The following ZMPSTE24 variants were observed in gnomAD, a reference collection of about 807,000 sequenced individuals.
ZMPSTE24 encodes CAAX prenyl protease 1 homolog.
In ZMPSTE24, 48 loss-of-function variants were observed where a neutral mutation model predicts 56.7. That is an observed-to-expected ratio of 0.85 (90% CI 0.67 to 1.08). The LOEUF is 1.08. ZMPSTE24 is among the 50% of genes least tolerant of loss of function. The pLI is 0.00. For missense variants in ZMPSTE24, 503 were observed against 548.7 expected (o/e 0.92, Z 0.83); for synonymous variants, 172 against 195.2 (o/e 0.88, Z 0.99).
At chr1:40,277,085 C>CTT (rs574397138) in intron 6 of ZMPSTE24, among the ~76,000 whole-genome samples, 5,561 of 130,040 alleles carry the variant, frequency 0.043, 388 homozygotes, top group African/African-American at 0.14. Flanking sequence ...TACAGGGATT[C>CTT]TTTTTTTTTT....
intron 5 of ZMPSTE24, among the ~76,000 whole-genome samples, chr1:40,270,523 A>G (rs1479556036): frequency 1.3e-5 from 2 of 152,152 alleles, no homozygotes; most frequent in Non-Finnish European, 2.9e-5. Flanking sequence ...GAAAGAAAGC[A>G]TATACTTAAC....
At chr1:40,268,212 T>A (rs1004560349) in intron 3 of ZMPSTE24, among the ~76,000 whole-genome samples, 1 of 152,218 alleles carries the variant, frequency 6.6e-6, no homozygotes, top group African/African-American at 2.4e-5. Context: ...ATAGTGCCTG[T>A]GTAATAAAAA....
chr1:40,259,687 C>G (rs1024498435), intron 1 of ZMPSTE24, among the ~76,000 whole-genome samples: 1 of 152,144 alleles, frequency 6.6e-6, no homozygotes, highest in Non-Finnish European at 1.5e-5. Flanking sequence ...TCAAGGCAGC[C>G]TCGAACTCGT....
At chr1:40,269,907 A>G (rs1027612258) in intron 4 of ZMPSTE24, 68 bp from the exon 5 acceptor site, 15 of 1,544,358 alleles carry the variant, frequency 9.7e-6, no homozygotes, top group Non-Finnish European at 1.1e-5. Context: ...CTTTGTATTT[A>G]TTTATCAGTT....
At chr1:40,292,238 T>A (rs1643850610) in intron 9 of ZMPSTE24, among the ~76,000 whole-genome samples, 2 of 152,168 alleles carry the variant, frequency 1.3e-5, no homozygotes, top group Non-Finnish European at 2.9e-5. Context: ...TTAACTTTTA[T>A]ATGTGTTTCT....
chr1:40,260,691 T>C (rs1643488122), intron 1 of ZMPSTE24, 148 bp from the exon 2 acceptor site: 4 of 743,756 alleles, frequency 5.4e-6, no homozygotes, highest in Non-Finnish European at 8.8e-6. Context: ...AGTCGTTTCA[T>C]GTACTTGATC....
Position 40,267,782 on chromosome 1 carries a change from A to G in ZMPSTE24, c.271-4A>G. The G allele has an allele frequency of 6.2e-7, 1 of 1,605,358 alleles. No individual in the cohort carries two copies. Among genetic ancestry groups the G allele is most frequent in the Middle Eastern group, 1.7e-4 (1 of 6,050 alleles). ...CTGTGATCAAAGTATGCTTTGTTTT[A>G]TAGCTTATTCTTCTCTTTGGAGGAA... On this transcript the variant is annotated splice_region_variant and splice_polypyrimidine_tract_variant and intron_variant, in intron 2 of 9. Coordinates refer to ENST00000372759, the MANE Select transcript of ZMPSTE24 (RefSeq NM_005857.5).
At chr1:40,273,537 A>AAAAAAAAAAAAAAAAAAAAAAATAT (rs1224234676) in intron 6 of ZMPSTE24, among the ~76,000 whole-genome samples, 1 of 12,388 alleles carries the variant, frequency 8.1e-5, no homozygotes, top group African/African-American at 1.8e-4. Flanking sequence ...AAAAAAAAAA[A>AAAAAAAAAAAAAAAAAAAAAAATAT]ATATATATAT....
chr1:40,266,207 G>A (rs1643546937), intron 2 of ZMPSTE24, among the ~76,000 whole-genome samples: 1 of 152,090 alleles, frequency 6.6e-6, no homozygotes. Context: ...GATTGGAAGG[G>A]TACCCATGAA....
chr1:40,268,662 G>A, intron 4 of ZMPSTE24, 127 bp downstream of exon 4: 1 of 699,030 alleles, frequency 1.4e-6, no homozygotes, highest in South Asian at 1.9e-5. Flanking sequence ...GGGAACTACA[G>A]ATATGGTAAA....
intron 6 of ZMPSTE24, among the ~76,000 whole-genome samples, chr1:40,273,569 T>TGTCAGACA (rs1553179857): frequency 8.3e-6 from 1 of 120,252 alleles, no homozygotes; most frequent in African/African-American, 3.3e-5. Context: ...TATATATATA[T>TGTCAGACA]GTCAGACATT....
At chr1:40,273,369 T>G (rs183305687) in intron 6 of ZMPSTE24, among the ~76,000 whole-genome samples, 344 of 150,914 alleles carry the variant, frequency 2.3e-3, no homozygotes, top group African/African-American at 8.0e-3. Flanking sequence ...ATACAAAAAA[T>G]TAGCTGGGCG....
chr1:40,280,920 G>C (rs1179274813), intron 6 of ZMPSTE24, among the ~76,000 whole-genome samples: 1 of 152,138 alleles, frequency 6.6e-6, no homozygotes, highest in African/African-American at 2.4e-5. Flanking sequence ...AATTACTTTT[G>C]CACCAACCTA....
intron 2 of ZMPSTE24, among the ~76,000 whole-genome samples, chr1:40,263,275 T>A (rs1643516575): frequency 6.6e-6 from 1 of 152,226 alleles, no homozygotes; most frequent in Admixed American, 6.5e-5. Flanking sequence ...TTGGGAACAG[T>A]AATAGTTAAT....
Position 40,285,907 on chromosome 1 carries a change from T to C in ZMPSTE24, c.955-18T>C, listed in dbSNP as rs760233728. The C allele has an allele frequency of 6.9e-6, 11 of 1,596,888 alleles. No homozygotes were observed. The South Asian group carries it at 1.2e-4, about 18-fold the overall frequency. ...TTAAAGGTTCTCAATAATTTATTTTTGATTTTTTTTTATTCAGAATAAGAA... is the reference window on the plus strand; with the variant it reads ...TTAAAGGTTCTCAATAATTTATTTTCGATTTTTTTTTATTCAGAATAAGAA... On this transcript the variant is annotated intron_variant, in intron 7 of 9. Coordinates refer to ENST00000372759, the MANE Select transcript of ZMPSTE24 (RefSeq NM_005857.5).
At chr1:40,278,419 G>C (rs572963719) in intron 6 of ZMPSTE24, among the ~76,000 whole-genome samples, 1 of 150,990 alleles carries the variant, frequency 6.6e-6, no homozygotes, top group East Asian at 1.9e-4. Flanking sequence ...TTAGCCGGGC[G>C]TGGTAGCGGG....
In ZMPSTE24 at chr1:40,271,910, A is replaced by G. The variant is rs756256692; in HGVS notation, c.644A>G (p.Tyr215Cys). ...ACTTTTCAGGTTCTTGTCACAATCTATGCTGATTATATTGCCCCTTTATTT... is the reference window on the plus strand; with the variant it reads ...ACTTTTCAGGTTCTTGTCACAATCTGTGCTGATTATATTGCCCCTTTATTT... ...LVVSLVLVTIYADYIAPLFDK... is the reference protein window; with the variant it reads ...LVVSLVLVTICADYIAPLFDK... The change falls in exon 6 of 10, where the codon TAT (tyrosine) becomes TGT (cysteine). Residue 215 changes from tyrosine (Y) to cysteine (C), a missense_variant. Transcript: ENST00000372759. The G allele has an allele frequency of 2.2e-5, 35 of 1,613,542 alleles. No individual in the cohort carries two copies. The highest frequency in any genetic ancestry group is 2.7e-5 in the African/African-American group (2 of 74,920).
At chr1:40,277,964 C>CAAAAAA (rs35695915) in intron 6 of ZMPSTE24, among the ~76,000 whole-genome samples, 16 of 48,252 alleles carry the variant, frequency 3.3e-4, no homozygotes, top group Admixed American at 1.8e-3. Context: ...GACTCCATCT[C>CAAAAAA]AAAAAAAAAA....
chr1:40,291,028 T>C (rs1643838459), intron 9 of ZMPSTE24, 31 bp downstream of exon 9: 4 of 1,611,932 alleles, frequency 2.5e-6, no homozygotes, highest in Non-Finnish European at 3.4e-6. Flanking sequence ...TTATCACACA[T>C]ATGCTCTTGC....
Sources: allele counts gnomAD v4.1 joint callset (sites outside exome capture counted in the v4.1 genomes callset), GRCh38; gene constraint gnomAD v4.1.1; transcripts MANE v1.5; gene names NCBI Gene and HGNC (gene_info 2026-07-23, HGNC 2026-07-21).